ZFAT: variants seen among roughly 807,000 people sequenced by gnomAD.
ZFAT encodes the protein zinc finger protein ZFAT.
A neutral mutation model predicts 117.7 loss-of-function variants in ZFAT; 64 were observed. That is an observed-to-expected ratio of 0.54 (90% CI 0.44 to 0.67). The LOEUF (loss-of-function observed/expected upper bound fraction) is 0.67. ZFAT is among the 30% of genes least tolerant of loss of function. ZFAT has a pLI of 0.00. For missense variants in ZFAT, 1,433 were observed against 1,584.5 expected (o/e 0.90, Z 1.62); for synonymous variants, 679 against 615.0 (o/e 1.10, Z -1.54).
chr8:134,570,950 A>C (rs1462639383), intron 10 of ZFAT, among the ~76,000 whole-genome samples: 1 of 152,214 alleles, frequency 6.6e-6, no homozygotes, highest in Non-Finnish European at 1.5e-5. Flanking sequence ...CAGCGAAGAC[A>C]GACAGAGACA....
chr8:134,586,448 T>A (rs1826074427), intron 9 of ZFAT, among the ~76,000 whole-genome samples: 1 of 152,246 alleles, frequency 6.6e-6, no homozygotes, highest in African/African-American at 2.4e-5. Context: ...TGGAATTATT[T>A]GTCCATCATA....
chr8:134,802,557 T>G, the ZFAT span, among the ~76,000 whole-genome samples: 1 of 152,186 alleles, frequency 6.6e-6, no homozygotes, highest in Admixed American at 6.5e-5. Context: ...CAAAAGCATC[T>G]AATTTGAAAT....
At chr8:134,686,026 C>T (rs1833303640) in intron 1 of ZFAT, among the ~76,000 whole-genome samples, 1 of 152,236 alleles carries the variant, frequency 6.6e-6, no homozygotes, top group Admixed American at 6.5e-5. Context: ...AGGACCAGAC[C>T]CCGCTGCCCT....
chr8:134,493,217 G>A (rs1029862266), intron 15 of ZFAT, among the ~76,000 whole-genome samples: 8 of 152,094 alleles, frequency 5.3e-5, no homozygotes, highest in African/African-American at 1.9e-4. Flanking sequence ...CTCCACTACC[G>A]GCCAACACAG....
intron 4 of ZFAT, among the ~76,000 whole-genome samples, chr8:134,609,118 T>C (rs1828126855): frequency 6.6e-6 from 1 of 152,030 alleles, no homozygotes; most frequent in South Asian, 2.1e-4. Context: ...TTGAGATATA[T>C]TTTCACTTGA....
At chr8:134,583,677 G>A (rs149314689) in intron 10 of ZFAT, among the ~76,000 whole-genome samples, 155 bp downstream of exon 10, 14 of 152,332 alleles carry the variant, frequency 9.2e-5, no homozygotes, top group Non-Finnish European at 1.9e-4. Context: ...GGAATGGGAG[G>A]AAGTCAGGCC....
At chr8:134,714,424 G>T (rs1156451290), upstream of ZFAT, among the ~76,000 whole-genome samples, 1 of 152,074 alleles carries the variant, frequency 6.6e-6, no homozygotes, top group Non-Finnish European at 1.5e-5. Context: ...CTCAGCGCCT[G>T]TTGCATAGTC....
At chr8:134,659,916 T>C (rs1341722850) in intron 1 of ZFAT, among the ~76,000 whole-genome samples, 1 of 152,214 alleles carries the variant, frequency 6.6e-6, no homozygotes, top group African/African-American at 2.4e-5. Context: ...CTGAGAGAAT[T>C]CTTTCCTACC....
the ZFAT span, among the ~76,000 whole-genome samples, chr8:134,728,919 C>A: frequency 1.3e-5 from 2 of 151,574 alleles, no homozygotes; most frequent in Non-Finnish European, 1.5e-5. Context: ...GTTACTCATT[C>A]TGGATTTTTT....
intron 3 of ZFAT, among the ~76,000 whole-genome samples, chr8:134,625,260 G>A (rs991108132): frequency 2.6e-5 from 4 of 152,228 alleles, no homozygotes; most frequent in Admixed American, 6.5e-5. Flanking sequence ...TGAAGGGCAC[G>A]AGGCCATTGT....
the ZFAT span, among the ~76,000 whole-genome samples, chr8:134,779,777 A>G: frequency 6.6e-6 from 1 of 152,222 alleles, no homozygotes; most frequent in Admixed American, 6.5e-5. Context: ...TAGCAATGTC[A>G]ATGCTGCTTG....
chr8:134,656,958 G>A (rs540695243), intron 2 of ZFAT, among the ~76,000 whole-genome samples: 41 of 152,346 alleles, frequency 2.7e-4, no homozygotes, highest in African/African-American at 9.6e-4. Context: ...CACTTTGCAC[G>A]CTGACTGTGA....
chr8:134,532,751 C>A (rs1029040453), intron 12 of ZFAT, 83 bp downstream of exon 12: 5 of 1,534,172 alleles, frequency 3.3e-6, no homozygotes, highest in Non-Finnish European at 4.4e-6. Flanking sequence ...AACTGAACTG[C>A]AGGATGTCAG....
chr8:134,827,094 C>G, the ZFAT span, among the ~76,000 whole-genome samples: 2 of 151,988 alleles, frequency 1.3e-5, no homozygotes, highest in African/African-American at 4.8e-5. Flanking sequence ...TTTGTCATCC[C>G]AGACTGGAGT....
intron 15 of ZFAT, among the ~76,000 whole-genome samples, chr8:134,481,567 T>C (rs1189878423): frequency 2.0e-5 from 3 of 152,170 alleles, no homozygotes; most frequent in Non-Finnish European, 2.9e-5. Context: ...TGCCCAAGTA[T>C]GGACAGTGGC....
chr8:134,477,939 G>A lies in ZFAT; in HGVS notation c.*543C>T, dbSNP rs144769555. 903 of 154,524 alleles carry A rather than the reference G, an allele frequency of 5.8e-3. 13 individuals are homozygous for A. The highest frequency in any genetic ancestry group is 0.02 in the African/African-American group (840 of 41,570). The allele number at this position is 154,524 out of a possible 1,614,324, so 9.6% of individuals were successfully genotyped here. On this transcript the variant is annotated 3_prime_UTR_variant, in exon 16 of 16. Transcript: ENST00000377838. ...TGAATTTACCTCACTTGATACCAAG[G>A]GCCCTTAATACTCGGGGAAGTGGGA... is the stretch of plus-strand genomic sequence containing the variant.
chr8:134,671,634 C>T (rs981725076), intron 1 of ZFAT, among the ~76,000 whole-genome samples: 1 of 152,162 alleles, frequency 6.6e-6, no homozygotes, highest in Admixed American at 6.5e-5. Context: ...ATGACTAACC[C>T]ACAGCCAATA....
At chr8:134,585,889 C>G (rs16905189) in intron 9 of ZFAT, among the ~76,000 whole-genome samples, 52,730 of 152,118 alleles carry the variant, frequency 0.35, 10,277 homozygotes, top group East Asian at 0.53. Flanking sequence ...CTCTAAGCAA[C>G]TAATGTCACA....
intron 10 of ZFAT, among the ~76,000 whole-genome samples, chr8:134,582,719 A>C (rs1347386345): frequency 6.6e-6 from 1 of 152,146 alleles, no homozygotes; most frequent in South Asian, 2.1e-4. Flanking sequence ...CAGCCTTTGC[A>C]CTGAGTCCCT....
Sources: allele counts gnomAD v4.1 joint callset (sites outside exome capture counted in the v4.1 genomes callset), GRCh38; gene constraint gnomAD v4.1.1; transcripts MANE v1.5; gene names NCBI Gene and HGNC (gene_info 2026-07-23, HGNC 2026-07-21).